AFF1: variants seen among roughly 807,000 people sequenced by gnomAD.
AFF1 encodes the protein ALF transcription elongation factor 1, also known as AF4/FMR2 family member 1.
In AFF1, 48 loss-of-function variants were observed where a neutral mutation model predicts 121.7. That is an observed-to-expected ratio of 0.39 (90% CI 0.31 to 0.50). The LOEUF (loss-of-function observed/expected upper bound fraction) is 0.50, where lower values mean the gene tolerates loss of function less well. Ranked by LOEUF, AFF1 falls within the 20% of genes least tolerant of loss-of-function variation. The pLI is 0.76. For missense variants in AFF1, 1,523 were observed against 1,511.7 expected (o/e 1.01, Z -0.12); for synonymous variants, 613 against 563.0 (o/e 1.09, Z -1.26).
intron 1 of AFF1, among the ~76,000 whole-genome samples, chr4:86,944,196 A>G (rs1720678302): frequency 6.6e-6 from 1 of 151,108 alleles, no homozygotes; most frequent in Admixed American, 6.6e-5. Context: ...GCCCCAGCAC[A>G]TGGTTTGGCC....
chr4:87,008,048 C>T (rs1726348472), intron 2 of AFF1, among the ~76,000 whole-genome samples: 2 of 148,452 alleles, frequency 1.3e-5, no homozygotes, highest in South Asian at 4.2e-4. Context: ...CCCGTCTTTC[C>T]ATGGTTTGTT....
intron 4 of AFF1, among the ~76,000 whole-genome samples, chr4:87,059,104 C>A (rs1720461482): frequency 6.6e-6 from 1 of 152,200 alleles, no homozygotes; most frequent in South Asian, 2.1e-4. Flanking sequence ...CATTCTGCAG[C>A]CTTTCCCTGG....
chr4:87,069,782 T>C (rs1313744266), intron 4 of AFF1, among the ~76,000 whole-genome samples: 2 of 151,552 alleles, frequency 1.3e-5, no homozygotes, highest in African/African-American at 4.8e-5. Context: ...ATTCAAAACA[T>C]AAGTATTAAA....
chr4:87,059,847 A>G (rs995549591), intron 4 of AFF1, among the ~76,000 whole-genome samples: 5 of 152,090 alleles, frequency 3.3e-5, no homozygotes, highest in South Asian at 2.1e-4. Context: ...GGTGGTAAAC[A>G]TTTTGAGGGC....
Position 87,132,347 on chromosome 4 carries a change from CTTAA to C in AFF1, c.3252_3255del (p.Lys1086ThrfsTer36). The C allele has an allele frequency of 6.2e-7, 1 of 1,613,406 alleles. No homozygotes were observed. The highest frequency in any genetic ancestry group is 8.5e-7 in the Non-Finnish European group (1 of 1,179,820). The stretch of plus-strand genomic sequence containing the variant: ...CATAGCAATAAAGTATTCTCGTACT[CTTAA>C]TAAACACTTCGAGAGTTCTTCCAAA... On this transcript the variant is annotated frameshift_variant, in exon 19 of 21. Transcript: ENST00000395146. LOFTEE classifies it high-confidence loss of function.
intron 5 of AFF1, among the ~76,000 whole-genome samples, chr4:87,084,864 G>A (rs935490482): frequency 6.6e-5 from 10 of 152,172 alleles, no homozygotes; most frequent in Non-Finnish European, 1.0e-4. Context: ...GAAACTTCCT[G>A]TATTGATGTG....
At chr4:87,009,890 T>C (rs1421821101) in intron 2 of AFF1, among the ~76,000 whole-genome samples, 1 of 152,250 alleles carries the variant, frequency 6.6e-6, no homozygotes, top group Non-Finnish European at 1.5e-5. Context: ...AGACAATTAA[T>C]TTAGACCGAC....
chr4:87,027,140 C>T (rs1481664108), intron 2 of AFF1, among the ~76,000 whole-genome samples: 1 of 152,152 alleles, frequency 6.6e-6, no homozygotes, highest in Non-Finnish European at 1.5e-5. Flanking sequence ...GTGAATTAAG[C>T]CTTCACAGTG....
intron 12 of AFF1, among the ~76,000 whole-genome samples, chr4:87,121,206 A>G (rs1727651974): frequency 6.6e-6 from 1 of 152,194 alleles, no homozygotes; most frequent in South Asian, 2.1e-4. Flanking sequence ...TGAAGTGGGG[A>G]TGACCTGGGG....
chr4:87,026,833 A>G (rs955034043), intron 2 of AFF1, among the ~76,000 whole-genome samples: 1 of 152,206 alleles, frequency 6.6e-6, no homozygotes, highest in Non-Finnish European at 1.5e-5. Flanking sequence ...CTCGTATTTT[A>G]TATACCAGAT....
At chr4:86,985,553 G>A (rs938668363) in intron 2 of AFF1, among the ~76,000 whole-genome samples, 7 of 150,644 alleles carry the variant, frequency 4.6e-5, no homozygotes, top group Admixed American at 4.0e-4. Flanking sequence ...GCAGGTGCCT[G>A]TAATCTCAGC....
chr4:87,014,092 A>G (rs897387388), intron 2 of AFF1, among the ~76,000 whole-genome samples: 9 of 152,286 alleles, frequency 5.9e-5, no homozygotes, highest in Admixed American at 4.6e-4. Context: ...TTATATTACA[A>G]ACTGTTGGTT....
chr4:87,097,922 A>C (rs992475680), intron 8 of AFF1, among the ~76,000 whole-genome samples: 1 of 152,220 alleles, frequency 6.6e-6, no homozygotes, highest in African/African-American at 2.4e-5. Context: ...TATTGTCAGC[A>C]TTAGGCTTCT....
chr4:87,114,761 A>C lies in AFF1; in HGVS notation c.1928A>C (p.Asp643Ala). The change falls in exon 12 of 21, where the codon GAC (aspartate) becomes GCC (alanine). Residue 643 changes from aspartate (D) to alanine (A), a missense_variant. Physicochemically the swap from Asp to Ala is moderately radical, Grantham distance 126 (BLOSUM62 -2). Transcript: ENST00000395146. The part of the protein sequence containing the change: ...EPGLLPYGSR[D>A]QTSKDKPKVK... ...GGGCTTCTTCCCTATGGCTCCCGAG[A>C]CCAGACTTCCAAAGACAAGCCCAAG... 6.2e-7 allele frequency: 1 copy of C among 1,613,472 alleles called. No homozygotes were observed. The highest frequency in any genetic ancestry group is 2.2e-5 in the East Asian group (1 of 44,826).
intron 5 of AFF1, among the ~76,000 whole-genome samples, chr4:87,088,964 T>C (rs552893985): frequency 6.6e-6 from 1 of 152,164 alleles, no homozygotes; most frequent in South Asian, 2.1e-4. Flanking sequence ...AGGCTGGTCT[T>C]GAACTCCCGA....
chr4:86,949,695 G>A (rs904662832), intron 2 of AFF1: 82 of 1,574,314 alleles, frequency 5.2e-5, no homozygotes, highest in Middle Eastern at 2.0e-4. Context: ...ATGGGCATGC[G>A]CAGGGGCGGG....
intron 2 of AFF1, among the ~76,000 whole-genome samples, chr4:86,949,360 C>A (rs1432068182): frequency 6.7e-6 from 1 of 150,294 alleles, no homozygotes; most frequent in Non-Finnish European, 1.5e-5. Context: ...GGTGATCCCC[C>A]TGCCTCGGCC....
intron 2 of AFF1, among the ~76,000 whole-genome samples, chr4:87,002,929 A>C (rs1338522676): frequency 1.3e-5 from 2 of 152,160 alleles, no homozygotes; most frequent in African/African-American, 4.8e-5. Context: ...TGCCCCTCAA[A>C]GGTTAAGAAT....
chr4:87,045,322 A>G (rs1385535390), intron 2 of AFF1, among the ~76,000 whole-genome samples: 5 of 152,082 alleles, frequency 3.3e-5, no homozygotes, highest in African/African-American at 1.2e-4. Context: ...CTTTTTAATC[A>G]TACATTGCGT....
Sources: allele counts gnomAD v4.1 joint callset (sites outside exome capture counted in the v4.1 genomes callset), GRCh38; gene constraint gnomAD v4.1.1; transcripts MANE v1.5; gene names NCBI Gene and HGNC (gene_info 2026-07-23, HGNC 2026-07-21).